The following PRKN variants were observed in gnomAD, a reference collection of about 807,000 sequenced individuals.
PRKN encodes the protein E3 ubiquitin-protein ligase parkin.
PRKN carries 56 observed loss-of-function variants against 59.5 expected under a neutral mutation model. The ratio of observed to expected loss-of-function variants is 0.94; its 90% CI spans 0.76 to 1.18. The LOEUF is 1.18. Among genes scored for constraint, PRKN ranks in the 50% most tolerant of loss-of-function variants. The probability of loss-of-function intolerance (pLI) is 0.00; values close to 1 mark genes in which losing one functional copy is unlikely to be tolerated. For synonymous variants in PRKN, 250 were observed against 222.1 expected (o/e 1.13, Z -1.12); for missense variants, 657 against 596.4 (o/e 1.10, Z -1.06).
At chr6:161,949,675 T>C (rs1779914003) in intron 6 of PRKN, among the ~76,000 whole-genome samples, 1 of 152,198 alleles carries the variant, frequency 6.6e-6, no homozygotes, top group African/African-American at 2.4e-5. Context: ...CTACCCCATA[T>C]GGGCCAAGAC....
intron 5 of PRKN, among the ~76,000 whole-genome samples, 158 bp from the exon 6 acceptor site, chr6:161,973,575 T>C (rs1413052944): frequency 6.6e-6 from 1 of 152,208 alleles, no homozygotes; most frequent in East Asian, 1.9e-4. Context: ...CAGGAACGGA[T>C]GACCTTGTGC....
intron 3 of PRKN, among the ~76,000 whole-genome samples, chr6:162,255,474 G>C (rs1472826797): frequency 6.6e-6 from 1 of 152,138 alleles, no homozygotes; most frequent in Non-Finnish European, 1.5e-5. Context: ...AAACAAAACA[G>C]TGCACTATTC....
intron 2 of PRKN, among the ~76,000 whole-genome samples, chr6:162,392,945 C>G (rs1787276327): frequency 6.6e-6 from 1 of 152,094 alleles, no homozygotes. Context: ...TAAGCTTTCT[C>G]TGACTAGGCA....
intron 10 of PRKN, among the ~76,000 whole-genome samples, chr6:161,365,390 T>C (rs1785160084): frequency 6.6e-6 from 1 of 152,140 alleles, no homozygotes; most frequent in African/African-American, 2.4e-5. Context: ...CCTAAAGCCT[T>C]TGTTACATGT....
chr6:162,065,558 T>C (rs576664214), intron 4 of PRKN, among the ~76,000 whole-genome samples: 101 of 152,152 alleles, frequency 6.6e-4, no homozygotes, highest in African/African-American at 2.3e-3. Context: ...CTTTTTCTTT[T>C]TTTTTTTTGG....
chr6:161,634,087 T>C (rs773859075), intron 7 of PRKN, among the ~76,000 whole-genome samples: 3 of 151,268 alleles, frequency 2.0e-5, no homozygotes, highest in Non-Finnish European at 4.4e-5. Flanking sequence ...CCTAAGACTG[T>C]AAGTGAGTTA....
At chr6:162,142,467 A>G (rs973479173) in intron 4 of PRKN, among the ~76,000 whole-genome samples, 7 of 152,168 alleles carry the variant, frequency 4.6e-5, no homozygotes, top group African/African-American at 1.7e-4. Context: ...CTTGTTATGG[A>G]GACTAAAGCA....
At chr6:162,544,568 A>G (rs1170009639) in intron 1 of PRKN, among the ~76,000 whole-genome samples, 1 of 152,078 alleles carries the variant, frequency 6.6e-6, no homozygotes, top group Admixed American at 6.5e-5. Context: ...TTGCCAGATA[A>G]TCAGTGATCT....
Position 161,560,860 on chromosome 6 carries a change from T to C in PRKN, c.933+8495A>G, listed in dbSNP as rs141328422. 3.9e-5 allele frequency among the ~76,000 whole-genome samples: 6 copies of C among 152,350 alleles called. No homozygotes were observed. Among genetic ancestry groups the C allele is most frequent in the Non-Finnish European group, 8.8e-5 (6 of 68,024 alleles). On this transcript the variant is annotated intron_variant, in intron 8 of 11. Transcript: ENST00000366898. The surrounding 1 kb of genome is among the most constrained non-coding windows in gnomAD (Gnocchi z 4.9). ...TCCAGGCCCACCTTCCTTCCTGGTC[T>C]GACAGCTTCTGTCATCTACCACCAG... is the stretch of plus-strand genomic sequence containing the variant.
intron 4 of PRKN, among the ~76,000 whole-genome samples, chr6:162,186,017 C>G (rs1183127899): frequency 6.6e-6 from 1 of 151,794 alleles, no homozygotes; most frequent in East Asian, 1.9e-4. Context: ...TCACACTGTT[C>G]CTTTGGTAAT....
rs140715581 is a variant in PRKN, at chr6:162,543,555, T to C, written c.8-100082A>G. ...TGTTCTAAGTTCCTCGCCTCCCCAG[T>C]CAGCCAGTCAGCTCGGCAAAACAAA... is the stretch of plus-strand genomic sequence containing the variant. On this transcript the variant is annotated intron_variant, in intron 1 of 11. Transcript: ENST00000366898. 7.0e-4 allele frequency among the ~76,000 whole-genome samples: 107 copies of C among 152,236 alleles called. 1 individual carries two copies. In the East Asian group the frequency reaches 0.017, roughly 24 times the overall value.
At chr6:162,718,657 G>A (rs1428613967) in intron 1 of PRKN, among the ~76,000 whole-genome samples, 4 of 151,952 alleles carry the variant, frequency 2.6e-5, no homozygotes, top group Non-Finnish European at 5.9e-5. Context: ...AGCTTACAGT[G>A]AGCCGCGATC....
At chr6:162,178,804 G>A (rs1783653206) in intron 4 of PRKN, among the ~76,000 whole-genome samples, 1 of 152,124 alleles carries the variant, frequency 6.6e-6, no homozygotes, top group Non-Finnish European at 1.5e-5. Flanking sequence ...CCCTGATTCA[G>A]CAGCTTTCTA....
intron 2 of PRKN, among the ~76,000 whole-genome samples, chr6:162,415,188 T>C (rs58623760): frequency 0.55 from 83,100 of 151,544 alleles, 23,718 homozygotes; most frequent in African/African-American, 0.71. Flanking sequence ...CTACAATTGG[T>C]TGTGCCTACG....
chr6:162,289,062 T>C (rs983446979), intron 2 of PRKN, among the ~76,000 whole-genome samples: 1 of 152,162 alleles, frequency 6.6e-6, no homozygotes, highest in Non-Finnish European at 1.5e-5. Flanking sequence ...ATGGCAGTAA[T>C]CAAGTACCAC....
chr6:162,543,340 T>C (rs1398976750), intron 1 of PRKN, among the ~76,000 whole-genome samples: 4 of 152,004 alleles, frequency 2.6e-5, no homozygotes, highest in Admixed American at 2.6e-4. Context: ...CCCAGAGCAG[T>C]CACATCGGCA....
intron 1 of PRKN, among the ~76,000 whole-genome samples, chr6:162,631,770 A>G (rs180857670): frequency 1.3e-5 from 2 of 152,172 alleles, no homozygotes; most frequent in East Asian, 3.9e-4. Context: ...TCCCAGAGCC[A>G]ATGTTGACTA....
At chr6:162,722,480 T>G (rs1778973738) in intron 1 of PRKN, among the ~76,000 whole-genome samples, 1 of 152,132 alleles carries the variant, frequency 6.6e-6, no homozygotes, top group Non-Finnish European at 1.5e-5. Context: ...ACCATTCAGA[T>G]TACTACGAAG....
intron 5 of PRKN, among the ~76,000 whole-genome samples, chr6:161,979,950 A>G (rs558161321): frequency 2.0e-5 from 3 of 152,354 alleles, no homozygotes; most frequent in Admixed American, 6.5e-5. Flanking sequence ...AAATCTGAAA[A>G]TTAGATTGAC....
Sources: gnomAD v4.1 joint callset for allele counts (sites outside exome capture counted in the v4.1 genomes callset) on GRCh38, gnomAD v4.1.1 for gene constraint, Gnocchi (gnomAD v3.1) non-coding constraint, MANE v1.5 for transcripts, NCBI Gene and HGNC (gene_info 2026-07-23, HGNC 2026-07-21) for gene names.